EYA1: variants seen among roughly 807,000 people sequenced by gnomAD.
EYA1 encodes EYA transcriptional coactivator and phosphatase 1.
Under a neutral mutation model 82.0 loss-of-function variants are expected in EYA1, and 16 were observed. That is an observed-to-expected ratio of 0.20 (90% CI 0.13 to 0.30). The LOEUF is 0.30. EYA1 is among the 10% of genes least tolerant of loss of function. EYA1 has a pLI of 1.00. For synonymous variants in EYA1, 261 were observed against 264.4 expected (o/e 0.99, Z 0.12); for missense variants, 633 against 730.7 (o/e 0.87, Z 1.54).
At chr8:71,423,340 A>ACTCATTTCAATGTCC (rs1183616750) in intron 2 of EYA1, among the ~76,000 whole-genome samples, 1 of 152,122 alleles carries the variant, frequency 6.6e-6, no homozygotes, top group Non-Finnish European at 1.5e-5. Flanking sequence ...TAGGAATGAC[A>ACTCATTTCAATGTCC]CTCATTTCAA....
upstream of EYA1, among the ~76,000 whole-genome samples, chr8:71,366,721 T>C (rs1274877245): frequency 2.0e-5 from 3 of 152,216 alleles, no homozygotes; most frequent in African/African-American, 7.2e-5. Context: ...GAATCCTGAT[T>C]TTTTTAAATA....
intron 7 of EYA1, among the ~76,000 whole-genome samples, chr8:71,311,422 G>A (rs1038262388): frequency 6.6e-6 from 1 of 152,154 alleles, no homozygotes; most frequent in African/African-American, 2.4e-5. Context: ...ATTGTGGCCA[G>A]TGCCCTTTGA....
intron 2 of EYA1, among the ~76,000 whole-genome samples, chr8:71,372,472 G>A (rs184040812): frequency 6.6e-6 from 1 of 152,226 alleles, no homozygotes; most frequent in African/African-American, 2.4e-5. Flanking sequence ...CAGAGGGTGT[G>A]TTCCATTAAA....
intron 2 of EYA1, among the ~76,000 whole-genome samples, chr8:71,399,478 T>C (rs1487677084): frequency 6.6e-6 from 1 of 152,188 alleles, no homozygotes; most frequent in Non-Finnish European, 1.5e-5. Flanking sequence ...GTGACATATC[T>C]TTGTTTTAAC....
intron 2 of EYA1, among the ~76,000 whole-genome samples, chr8:71,379,651 C>A (rs1316387768): frequency 9.8e-5 from 15 of 152,286 alleles, no homozygotes; most frequent in African/African-American, 3.4e-4. Context: ...CAGACAACTT[C>A]TTCTGTGCCC....
chr8:71,357,985 T>TC (rs994819342), intron 1 of EYA1, among the ~76,000 whole-genome samples: 6 of 151,886 alleles, frequency 4.0e-5, no homozygotes, highest in African/African-American at 7.3e-5. Flanking sequence ...TTTTTTTTTT[T>TC]CTCCACTTTT....
At chr8:71,511,639 G>T (rs542964537) in intron 2 of EYA1, among the ~76,000 whole-genome samples, 4 of 152,118 alleles carry the variant, frequency 2.6e-5, no homozygotes, top group Non-Finnish European at 4.4e-5. Flanking sequence ...GAATCAAAGG[G>T]TGCACGTGGA....
intron 2 of EYA1, among the ~76,000 whole-genome samples, chr8:71,494,039 A>AAAAG (rs1811227238): frequency 6.7e-6 from 1 of 149,154 alleles, no homozygotes; most frequent in Non-Finnish European, 1.5e-5. Context: ...AAAAAAAAAA[A>AAAAG]AAAAAAGAGG....
At chr8:71,398,162 A>G (rs555251988) in intron 2 of EYA1, among the ~76,000 whole-genome samples, 37 of 152,184 alleles carry the variant, frequency 2.4e-4, no homozygotes, top group African/African-American at 8.7e-4. Flanking sequence ...GGACTTCTCT[A>G]CACTGTTTAT....
At chr8:71,425,849 A>C (rs747332485) in intron 2 of EYA1, among the ~76,000 whole-genome samples, 12 of 152,228 alleles carry the variant, frequency 7.9e-5, no homozygotes, top group Non-Finnish European at 1.8e-4. Context: ...GCCAGCACTG[A>C]GAGGAGCCAC....
intron 11 of EYA1, among the ~76,000 whole-genome samples, chr8:71,269,146 T>C (rs1816217571): frequency 6.6e-6 from 1 of 152,198 alleles, no homozygotes; most frequent in African/African-American, 2.4e-5. Context: ...AACCAAAGTT[T>C]CACTCACAGA....
At chr8:71,504,184 T>C (rs1202215084) in intron 2 of EYA1, among the ~76,000 whole-genome samples, 1 of 152,204 alleles carries the variant, frequency 6.6e-6, no homozygotes. Flanking sequence ...CAAAAAAATT[T>C]GAATTTAAAA....
chr8:71,286,778 T>G (rs1427208598), intron 9 of EYA1, among the ~76,000 whole-genome samples: 2 of 148,800 alleles, frequency 1.3e-5, no homozygotes, highest in Non-Finnish European at 3.0e-5. Flanking sequence ...AGTGTGACCA[T>G]GATAATTTCA....
chr8:71,331,489 T>TTTTATA (rs1554554558), intron 4 of EYA1, among the ~76,000 whole-genome samples: 12 of 146,858 alleles, frequency 8.2e-5, no homozygotes, highest in South Asian at 2.1e-4. Flanking sequence ...TATAAATGTT[T>TTTTATA]TATATATATA....
intron 1 of EYA1, among the ~76,000 whole-genome samples, chr8:71,543,399 A>C (rs1815304458): frequency 6.6e-6 from 1 of 152,178 alleles, no homozygotes; most frequent in Non-Finnish European, 1.5e-5. Context: ...CATGATTGTC[A>C]AAATTCATTG....
chr8:71,206,225 C>CTT (rs34098587), intron 17 of EYA1, among the ~76,000 whole-genome samples: 62 of 148,264 alleles, frequency 4.2e-4, no homozygotes, highest in East Asian at 7.9e-4. Flanking sequence ...TTTGAAGAAA[C>CTT]TTTTTTTTTT....
Position 71,334,140 on chromosome 8 carries a change from A to G in EYA1, c.159T>C (p.Ala53=), listed in dbSNP as rs768443449. 1.1e-5 allele frequency: 18 copies of G among 1,613,814 alleles called. No individual in the cohort carries two copies. Among genetic ancestry groups the G allele is most frequent in the Middle Eastern group, 1.7e-4 (1 of 6,056 alleles). Residue 53 remains alanine, a synonymous_variant, in exon 4 of 18, where the codon GCT becomes GCC. Coordinates refer to ENST00000340726, the MANE Select transcript of EYA1 (RefSeq NM_000503.6). ...TTAAAGACCCGTCGGCTGTCGTTGA[A>G]GCTGTTTCACTGCTGCTCATTGGCT... ...KTEPMSSSET[A]STTADGSLNN...
chr8:71,350,577 T>C (rs1586499682), intron 3 of EYA1, among the ~76,000 whole-genome samples: 1 of 152,318 alleles, frequency 6.6e-6, no homozygotes, highest in East Asian at 1.9e-4. Context: ...TGAAACCCTA[T>C]GTGCAGTGAA....
intron 2 of EYA1, among the ~76,000 whole-genome samples, chr8:71,395,231 T>C (rs199712980): frequency 2.6e-5 from 4 of 150,982 alleles, no homozygotes; most frequent in South Asian, 2.1e-4. Context: ...ATCATGTTAT[T>C]TGCAAACAGG....
Sources: allele counts gnomAD v4.1 joint callset (sites outside exome capture counted in the v4.1 genomes callset), GRCh38; gene constraint gnomAD v4.1.1; transcripts MANE v1.5; gene names NCBI Gene and HGNC (gene_info 2026-07-23, HGNC 2026-07-21).